The following PTPRS variants were observed in gnomAD, a reference collection of about 807,000 sequenced individuals.
PTPRS encodes receptor-type tyrosine-protein phosphatase S.
PTPRS carries 63 observed loss-of-function variants against 215.3 expected under a neutral mutation model. The ratio of observed to expected loss-of-function variants is 0.29; its 90% CI spans 0.24 to 0.36. The LOEUF (loss-of-function observed/expected upper bound fraction) is 0.36, where lower values mean the gene tolerates loss of function less well. PTPRS is among the 10% of genes least tolerant of loss of function. The probability of loss-of-function intolerance (pLI) is 1.00; values close to 1 mark genes in which losing one functional copy is unlikely to be tolerated. For synonymous variants in PTPRS, 1,404 were observed against 1,191.4 expected, an observed-to-expected ratio of 1.18 and a Z score of -3.68; for missense variants, 2,258 against 2,825.8, an observed-to-expected ratio of 0.80 and a Z score of 4.56.
At chr19:5,319,413 CTTTTTT>C (rs78544674) in intron 1 of PTPRS, among the ~76,000 whole-genome samples, 2 of 135,314 alleles carry the variant, frequency 1.5e-5, no homozygotes, top group Admixed American at 1.5e-4. Context: ...CAGACCTTGT[CTTTTTT>C]TTTTTTTTTT....
intron 1 of PTPRS, among the ~76,000 whole-genome samples, chr19:5,297,223 T>C (rs1000296041): frequency 6.6e-6 from 1 of 152,144 alleles, no homozygotes; most frequent in East Asian, 1.9e-4. Flanking sequence ...TCACGTCAGC[T>C]CCCACAGCTG....
chr19:5,304,385 C>CAGG (rs1371129035), intron 1 of PTPRS, among the ~76,000 whole-genome samples: 3 of 152,052 alleles, frequency 2.0e-5, no homozygotes, highest in African/African-American at 7.2e-5. Flanking sequence ...GAAGCTGAGG[C>CAGG]AGGAGGATCG....
rs756049037 is a variant in PTPRS at position 5,222,785 on chromosome 19, C to T, written c.3007G>A (p.Asp1003Asn). ...CGCACTTGGAGGTCATAGGCCGTGT[C>T]GGGCTTCAGGCCCTGCAGCGTGAGC... is the stretch of plus-strand genomic sequence containing the variant. ...NALTLQGLKP[D>N]TAYDLQVRAH... The change falls in exon 18 of 38, where the codon GAC (aspartate) becomes AAC (asparagine). Residue 1003 changes from aspartate to asparagine, a missense_variant. Coordinates refer to ENST00000262963, the MANE Select transcript of PTPRS (RefSeq NM_002850.4). The T allele has an allele frequency of 1.0e-4, 165 of 1,598,640 alleles. No homozygotes were observed. Among genetic ancestry groups the T allele is most frequent in the Non-Finnish European group, 1.3e-4 (148 of 1,178,642 alleles).
At chr19:5,254,090 GGTCTT>G (rs1372528499) in intron 9 of PTPRS, among the ~76,000 whole-genome samples, 1 of 152,136 alleles carries the variant, frequency 6.6e-6, no homozygotes, top group African/African-American at 2.4e-5. Context: ...AAGTCCAAGT[GGTCTT>G]CAGAGACCCT....
chr19:5,338,150 C>G lies in PTPRS; in HGVS notation c.-95+2514G>C, dbSNP rs2050566673. On this transcript the variant is annotated intron_variant, in intron 1 of 37. Transcript: ENST00000262963. The surrounding 1 kb of genome is among the most constrained non-coding windows in gnomAD (Gnocchi z 4.2). ...AGTCCACCGCCTCTTGGGACGGCAT[C>G]TCTGGACGGCCACTGACAGTACCAG... Among the ~76,000 whole-genome samples, 1 of 152,214 alleles carries G rather than the reference C, an allele frequency of 6.6e-6. No individual in the cohort carries two copies.
At chr19:5,309,646 C>G (rs1057013347) in intron 1 of PTPRS, among the ~76,000 whole-genome samples, 2 of 152,286 alleles carry the variant, frequency 1.3e-5, no homozygotes, top group Admixed American at 1.3e-4. Context: ...GCCACCTCAG[C>G]TCATCTTCTC....
intron 1 of PTPRS, among the ~76,000 whole-genome samples, chr19:5,298,422 C>G (rs943847428): frequency 1.1e-4 from 17 of 152,242 alleles, no homozygotes; most frequent in African/African-American, 4.1e-4. Context: ...TGTCCCACCT[C>G]CTTCATATTT....
intron 2 of PTPRS, among the ~76,000 whole-genome samples, chr19:5,279,828 G>A (rs1469915192): frequency 6.6e-6 from 1 of 151,892 alleles, no homozygotes; most frequent in African/African-American, 2.4e-5. Flanking sequence ...GACTATAGGC[G>A]CCCGCCACCA....
chr19:5,309,006 A>AC (rs1240781109), intron 1 of PTPRS, among the ~76,000 whole-genome samples: 2 of 151,826 alleles, frequency 1.3e-5, no homozygotes, highest in Non-Finnish European at 2.9e-5. Flanking sequence ...GCTCACCAAG[A>AC]CCCCCTGGCC....
intron 1 of PTPRS, among the ~76,000 whole-genome samples, chr19:5,309,583 G>A (rs1424694509): frequency 3.3e-5 from 5 of 152,176 alleles, no homozygotes; most frequent in African/African-American, 4.8e-5. Context: ...GGGAACCTCC[G>A]CAGGCGTCCT....
At chr19:5,307,424 G>C (rs1187701917) in intron 1 of PTPRS, among the ~76,000 whole-genome samples, 5 of 149,262 alleles carry the variant, frequency 3.3e-5, no homozygotes, top group Non-Finnish European at 6.0e-5. Context: ...GTATCTCTTA[G>C]TGTTATGAGA....
intron 1 of PTPRS, among the ~76,000 whole-genome samples, chr19:5,327,556 C>G: frequency 6.6e-6 from 1 of 152,146 alleles, no homozygotes; most frequent in South Asian, 2.1e-4. Context: ...AACTTCTCCA[C>G]CTGTCTGGCC....
At chr19:5,249,629 C>T (rs1013988921) in intron 9 of PTPRS, among the ~76,000 whole-genome samples, 4 of 152,230 alleles carry the variant, frequency 2.6e-5, no homozygotes, top group African/African-American at 9.6e-5. Flanking sequence ...CTCTTTCAAA[C>T]TTGTGTGTCC....
chr19:5,320,990 G>A (rs1223112491), intron 1 of PTPRS, among the ~76,000 whole-genome samples: 1 of 152,154 alleles, frequency 6.6e-6, no homozygotes, highest in Non-Finnish European at 1.5e-5. Flanking sequence ...AGGGCCCGGT[G>A]CTGGCTCATG....
intron 7 of PTPRS, among the ~76,000 whole-genome samples, chr19:5,259,142 G>T (rs941089730): frequency 2.0e-5 from 3 of 152,064 alleles, no homozygotes; most frequent in Non-Finnish European, 4.4e-5. Context: ...GAATTTGTTG[G>T]TCATGAGTAA....
rs893324938 is a variant in PTPRS, at chr19:5,257,560, C to T, written c.706+457G>A. 46 of 429,016 alleles carry T rather than the reference C, an allele frequency of 1.1e-4. No individual in the cohort carries two copies. Among genetic ancestry groups the T allele is most frequent in the Admixed American group, 3.8e-4 (15 of 39,568 alleles). The allele number at this position is 429,016 out of a possible 1,614,324, so 26.6% of individuals were successfully genotyped here. A position where few individuals can be genotyped will look rare whatever the true frequency, so the allele number is the denominator to read the frequency against. On this transcript the variant is annotated intron_variant, in intron 8 of 37. Transcript: ENST00000262963. The surrounding 1 kb of genome is among the most constrained non-coding windows in gnomAD (Gnocchi z 4.4). ...CCCTGGATTAGGGGGGGCAGTGAAG[C>T]GGGGAGCTACGAGGCCACAAAGTTG...
chr19:5,300,906 G>A (rs1433056837), intron 1 of PTPRS, among the ~76,000 whole-genome samples: 1 of 152,170 alleles, frequency 6.6e-6, no homozygotes, highest in Non-Finnish European at 1.5e-5. Flanking sequence ...TAGAGGTGCT[G>A]GCCAATAGCA....
rs928145675 is a variant in PTPRS, at chr19:5,237,608, C to T, written c.1849+1311G>A. Among the ~76,000 whole-genome samples, 17 of 152,148 alleles carry T rather than the reference C, an allele frequency of 1.1e-4. No individual in the cohort carries two copies. The highest frequency in any genetic ancestry group is 1.9e-4 in the East Asian group (1 of 5,174). Reference sequence around the variant, plus strand: ...GGCCGAATTCGGGCCGTGGACTGTCCGTTCAGCCCAGAGTGGCTGGGGCAG... The same window carrying T: ...GGCCGAATTCGGGCCGTGGACTGTCTGTTCAGCCCAGAGTGGCTGGGGCAG... On this transcript the variant is annotated intron_variant, in intron 13 of 37. Transcript: ENST00000262963. This position sits in a 1 kb window ranked among gnomAD's most constrained non-coding sequence, Gnocchi z 4.2.
rs2043513447 is a variant in PTPRS at position 5,237,021 on chromosome 19, A to G, written c.1849+1898T>C. Among the ~76,000 whole-genome samples, 1 of 152,226 alleles carries G rather than the reference A, an allele frequency of 6.6e-6. No individual in the cohort carries two copies. Among genetic ancestry groups the G allele is most frequent in the African/African-American group, 2.4e-5 (1 of 41,456 alleles). On this transcript the variant is annotated intron_variant, in intron 13 of 37. Coordinates refer to ENST00000262963, the MANE Select transcript of PTPRS (RefSeq NM_002850.4). The surrounding 1 kb of genome is among the most constrained non-coding windows in gnomAD (Gnocchi z 4.2). ...GAAAGACTCCTTCCAGAAAACGCCCAGTCTGGTTACCTACCTTCCACTCTT... is the reference window on the plus strand; with the variant it reads ...GAAAGACTCCTTCCAGAAAACGCCCGGTCTGGTTACCTACCTTCCACTCTT...
Sources: gnomAD v4.1 joint callset for allele counts (sites outside exome capture counted in the v4.1 genomes callset) on GRCh38, gnomAD v4.1.1 for gene constraint, Gnocchi (gnomAD v3.1) non-coding constraint, MANE v1.5 for transcripts, NCBI Gene and HGNC (gene_info 2026-07-23, HGNC 2026-07-21) for gene names.